Variants in STOX2 observed in about 807,000 individuals in gnomAD.
The protein encoded by STOX2 is storkhead box 2.
STOX2 carries 28 observed loss-of-function variants against 60.9 expected under a neutral mutation model. The observed-to-expected ratio is 0.46, with a 90% CI of 0.34 to 0.63. The LOEUF (loss-of-function observed/expected upper bound fraction) is 0.63. Ranked by LOEUF, STOX2 falls within the 30% of genes least tolerant of loss-of-function variation. The pLI is 0.01. For synonymous variants in STOX2, 472 were observed against 463.9 expected (o/e 1.02, Z -0.22); for missense variants, 1,024 against 1,187.7 (o/e 0.86, Z 2.03).
At chr4:183,999,091 A>G (rs1404072622) in intron 1 of STOX2, among the ~76,000 whole-genome samples, 5 of 152,148 alleles carry the variant, frequency 3.3e-5, no homozygotes, top group Non-Finnish European at 7.3e-5. Context: ...CAAACAAAAA[A>G]ACCCAGCTTT....
In STOX2 at chr4:183,906,681, A is replaced by G; in HGVS notation, c.-110A>G. On this transcript the variant is annotated 5_prime_UTR_variant, in exon 1 of 4. Transcript: ENST00000308497. Reference sequence around the variant, plus strand: ...GACGCCGACGAGGAGGGGCTGGGAAAATGTGCGCAGAGTCCGCCCGGGTCG... The same window carrying G: ...GACGCCGACGAGGAGGGGCTGGGAAGATGTGCGCAGAGTCCGCCCGGGTCG... 2 of 1,233,466 alleles carry G rather than the reference A, an allele frequency of 1.6e-6. No individual in the cohort carries two copies. Among genetic ancestry groups the G allele is most frequent in the Non-Finnish European group, 1.1e-6 (1 of 917,874 alleles). The allele number at this position is 1,233,466 out of a possible 1,614,324, so 76.4% of individuals were successfully genotyped here. A position where few individuals can be genotyped will look rare whatever the true frequency, so the allele number is the denominator to read the frequency against.
At chr4:183,986,503 G>A (rs556381689) in intron 1 of STOX2, among the ~76,000 whole-genome samples, 2 of 152,352 alleles carry the variant, frequency 1.3e-5, no homozygotes, top group South Asian at 2.1e-4. Context: ...GTGGTTGAGG[G>A]CATGGAAGAC....
chr4:184,005,464 A>AG (rs1733785830), intron 2 of STOX2, among the ~76,000 whole-genome samples: 1 of 104,252 alleles, frequency 9.6e-6, no homozygotes, highest in Non-Finnish European at 2.3e-5. Context: ...TCTCAAAAAA[A>AG]AAAAAAAAAA....
At chr4:183,898,144 C>T (rs1232847932) in intron 1 of STOX2, among the ~76,000 whole-genome samples, 1 of 151,986 alleles carries the variant, frequency 6.6e-6, no homozygotes, top group African/African-American at 2.4e-5. Flanking sequence ...TGGCAGGTGA[C>T]ACCGATTTTC....
At chr4:183,948,970 A>C (rs1171704888) in intron 1 of STOX2, among the ~76,000 whole-genome samples, 1 of 152,208 alleles carries the variant, frequency 6.6e-6, no homozygotes, top group Non-Finnish European at 1.5e-5. Context: ...TCTTGGCTGT[A>C]ATCTATCCAT....
intron 1 of STOX2, among the ~76,000 whole-genome samples, chr4:183,801,553 T>C (rs963718276): frequency 2.0e-5 from 3 of 152,208 alleles, no homozygotes; most frequent in African/African-American, 7.2e-5. Flanking sequence ...AAGCAGTTAC[T>C]TCTGTCTTGT....
chr4:184,020,720 A>G lies in STOX2; in HGVS notation c.*3436A>G, dbSNP rs1411833999. On this transcript the variant is annotated 3_prime_UTR_variant, in exon 4 of 4. Coordinates refer to ENST00000308497, the MANE Select transcript of STOX2 (RefSeq NM_020225.3). The stretch of plus-strand genomic sequence containing the variant: ...CCATCAAATAGAGAAAACAAATAGA[A>G]GAGGTGAATGGAGACTAGCTGGATA... 6.6e-6 allele frequency: 1 copy of G among 152,180 alleles called. No homozygotes were observed. Among genetic ancestry groups the G allele is most frequent in the Non-Finnish European group, 1.5e-5 (1 of 68,058 alleles). The allele number at this position is 152,180 out of a possible 1,614,324, so 9.4% of individuals were successfully genotyped here.
chr4:183,991,216 C>T, intron 1 of STOX2, among the ~76,000 whole-genome samples: 1 of 152,162 alleles, frequency 6.6e-6, no homozygotes, highest in Non-Finnish European at 1.5e-5. Flanking sequence ...CCTGGTGATG[C>T]ATCCCAAATG....
At position 183,856,994 on chromosome 4, in the gene STOX2, G is replaced by A. The variant is rs1474999098; in HGVS notation, c.364+58939G>A. ...TAATTAGATTAAATTGTGTGGTAGA[G>A]GCTGGGAGGGGTTTGGAGGGGTTTG... On this transcript the variant is annotated intron_variant, in intron 1 of 2. Transcript: ENST00000513034. The surrounding 1 kb of genome is among the most constrained non-coding windows in gnomAD (Gnocchi z 4.0). Among the ~76,000 whole-genome samples the A allele has an allele frequency of 6.6e-6, 1 of 152,096 alleles. No individual in the cohort carries two copies. The highest frequency in any genetic ancestry group is 2.4e-5 in the African/African-American group (1 of 41,354).
At chr4:183,912,624 T>G (rs186775375) in intron 1 of STOX2, among the ~76,000 whole-genome samples, 41 of 152,348 alleles carry the variant, frequency 2.7e-4, no homozygotes, top group African/African-American at 9.9e-4. Flanking sequence ...ACGTTTGTTT[T>G]GTACTTGTGT....
intron 2 of STOX2, among the ~76,000 whole-genome samples, chr4:184,007,263 C>T (rs902418935): frequency 7.2e-5 from 11 of 152,138 alleles, no homozygotes; most frequent in African/African-American, 2.7e-4. Flanking sequence ...CGCGCATTCA[C>T]GGATTTTCTC....
In STOX2 at chr4:183,951,077, G is replaced by A. The variant is rs968817837; in HGVS notation, c.166+44121G>A. ...AAAAATACAAAAAAATTAGCCGGGCGTGGTGGCGGGCGCCTGTAGTCCCAG... is the reference window on the plus strand; with the variant it reads ...AAAAATACAAAAAAATTAGCCGGGCATGGTGGCGGGCGCCTGTAGTCCCAG... On this transcript the variant is annotated intron_variant, in intron 1 of 3. Transcript: ENST00000308497. 2.6e-4 allele frequency among the ~76,000 whole-genome samples: 39 copies of A among 151,924 alleles called. 1 individual carries two copies. Among genetic ancestry groups the A allele is most frequent in the East Asian group, 9.7e-4 (5 of 5,130 alleles).
chr4:183,912,430 G>A (rs1482140758), intron 1 of STOX2, among the ~76,000 whole-genome samples: 1 of 152,106 alleles, frequency 6.6e-6, no homozygotes, highest in Non-Finnish European at 1.5e-5. Context: ...GGCTCTGGGA[G>A]CTCTTTACCT....
chr4:183,996,014 A>AT (rs1242640861), intron 1 of STOX2, among the ~76,000 whole-genome samples: 1 of 152,192 alleles, frequency 6.6e-6, no homozygotes, highest in African/African-American at 2.4e-5. Context: ...CAGTGTCCAC[A>AT]TTTTCACTCA....
intron 1 of STOX2, among the ~76,000 whole-genome samples, chr4:183,808,895 A>G (rs1220747610): frequency 3.3e-5 from 5 of 152,206 alleles, no homozygotes; most frequent in Admixed American, 3.3e-4. Context: ...TGATGAGCTA[A>G]AAAAAATGGC....
intron 1 of STOX2, among the ~76,000 whole-genome samples, chr4:183,968,110 G>C (rs1743630831): frequency 2.6e-5 from 4 of 152,086 alleles, no homozygotes; most frequent in Admixed American, 2.0e-4. Flanking sequence ...ATGTGTGTTA[G>C]GATTATCAAT....
intron 1 of STOX2, among the ~76,000 whole-genome samples, chr4:183,851,581 G>C (rs1441762983): frequency 1.7e-4 from 17 of 102,232 alleles, no homozygotes; most frequent in South Asian, 8.1e-4. Context: ...ATGAGAGAAA[G>C]GATGAGGGAA....
At chr4:183,991,313 C>T (rs1253744494) in intron 1 of STOX2, among the ~76,000 whole-genome samples, 1 of 152,128 alleles carries the variant, frequency 6.6e-6, no homozygotes, top group East Asian at 1.9e-4. Flanking sequence ...TTAGCCTTCC[C>T]AAAGATATTT....
At chr4:183,893,734 G>A (rs1046552082) in intron 1 of STOX2, among the ~76,000 whole-genome samples, 2 of 151,736 alleles carry the variant, frequency 1.3e-5, no homozygotes, top group Non-Finnish European at 2.9e-5. Context: ...AGATTTATTT[G>A]TTCCTCTTAT....
Sources: gnomAD v4.1 joint callset for allele counts (sites outside exome capture counted in the v4.1 genomes callset) on GRCh38, gnomAD v4.1.1 for gene constraint, Gnocchi (gnomAD v3.1) non-coding constraint, MANE v1.5 for transcripts, NCBI Gene and HGNC (gene_info 2026-07-23, HGNC 2026-07-21) for gene names.